Variants in ANK1 observed in about 807,000 individuals in gnomAD.
ANK1 encodes the protein ankyrin 1.
Under a neutral mutation model 210.4 loss-of-function variants are expected in ANK1, and 51 were observed. The observed-to-expected ratio is 0.24, with a 90% CI of 0.19 to 0.31. ANK1 has a LOEUF of 0.31. ANK1 is among the 10% of genes least tolerant of loss of function. The pLI, the probability that ANK1 is intolerant of heterozygous loss-of-function variation, is 1.00. For synonymous variants in ANK1, 967 were observed against 1,025.9 expected (o/e 0.94, Z 1.10); for missense variants, 2,051 against 2,504.4 (o/e 0.82, Z 3.86).
chr8:41,669,579 C>G (rs569345830), intron 38 of ANK1, among the ~76,000 whole-genome samples: 1 of 152,250 alleles, frequency 6.6e-6, no homozygotes, highest in African/African-American at 2.4e-5. Context: ...CTAGCCTGTC[C>G]CACCCCATCC....
chr8:41,680,802 G>C (rs963187825), intron 37 of ANK1, among the ~76,000 whole-genome samples: 2 of 152,188 alleles, frequency 1.3e-5, no homozygotes, highest in African/African-American at 2.4e-5. Context: ...AAGCACAAGT[G>C]CATCCTCATG....
At chr8:41,808,880 C>A (rs1027835178) in intron 1 of ANK1, among the ~76,000 whole-genome samples, 1 of 152,198 alleles carries the variant, frequency 6.6e-6, no homozygotes, top group African/African-American at 2.4e-5. Flanking sequence ...ATGAACATTT[C>A]TGAGGCCTTA....
intron 2 of ANK1, among the ~76,000 whole-genome samples, chr8:41,749,157 C>A (rs1837009283): frequency 6.6e-6 from 1 of 152,162 alleles, no homozygotes; most frequent in Non-Finnish European, 1.5e-5. Context: ...CTTTTACCTG[C>A]CTCTGAGTTC....
At chr8:41,828,377 C>T (rs1805903698) in intron 1 of ANK1, 1 of 154,562 alleles carries the variant, frequency 6.5e-6, no homozygotes, top group Admixed American at 6.5e-5. Context: ...TCCATGAACT[C>T]TCATTTTCCA....
chr8:41,679,318 T>C lies in ANK1; in HGVS notation c.4537+5226A>G, dbSNP rs1815178737. Reference sequence around the variant, plus strand: ...TTACTTGGAAGTAGTTTGATCCTTTTGCATTTTGCTTTCAAATTTTATCAG... The same window carrying C: ...TTACTTGGAAGTAGTTTGATCCTTTCGCATTTTGCTTTCAAATTTTATCAG... On this transcript the variant is annotated intron_variant, in intron 37 of 42. Transcript: ENST00000289734. Among the ~76,000 whole-genome samples the C allele has an allele frequency of 3.3e-5, 5 of 152,334 alleles. No individual in the cohort carries two copies. In the South Asian group the frequency reaches 1.0e-3, roughly 32 times the overall value.
At chr8:41,722,728 T>C (rs1829575243) in intron 9 of ANK1, among the ~76,000 whole-genome samples, 2 of 152,244 alleles carry the variant, frequency 1.3e-5, no homozygotes. Context: ...AGAGCAGTAG[T>C]AGGCGAACTA....
At chr8:41,865,643 A>T (rs1400276751) in intron 1 of ANK1, among the ~76,000 whole-genome samples, 1 of 151,760 alleles carries the variant, frequency 6.6e-6, no homozygotes, top group African/African-American at 2.4e-5. Context: ...CTTTCCACAC[A>T]ATGCACATGC....
intron 1 of ANK1, among the ~76,000 whole-genome samples, chr8:41,839,026 G>A (rs912737522): frequency 7.3e-5 from 11 of 149,990 alleles, no homozygotes; most frequent in Non-Finnish European, 1.5e-4. Context: ...GCAGTGAGCC[G>A]AGATGGCACC....
intron 15 of ANK1, 87 bp from the exon 16 acceptor site, chr8:41,714,341 T>C: frequency 9.8e-7 from 1 of 1,022,146 alleles, no homozygotes; most frequent in African/African-American, 1.6e-5. Flanking sequence ...GCACCTATTT[T>C]ATACAGTAAA....
rs775548041 is a variant in ANK1, at chr8:41,690,608, G to C, written c.3859-9C>G. The C allele has an allele frequency of 9.9e-6, 16 of 1,611,152 alleles. No homozygotes were observed. Among genetic ancestry groups the C allele is most frequent in the African/African-American group, 1.3e-5 (1 of 74,940 alleles). ...GACATTCCTTCCAACACCTGCAGGA[G>C]AGGAAAAGCAGATACAGCTTGTCAG... On this transcript the variant is annotated splice_polypyrimidine_tract_variant and intron_variant, in intron 31 of 42. Transcript: ENST00000289734.
Position 41,776,433 on chromosome 8 carries a change from G to A in ANK1, c.28-18296C>T, listed in dbSNP as rs906917432. Among the ~76,000 whole-genome samples the A allele has an allele frequency of 3.9e-5, 6 of 152,096 alleles. No homozygotes were observed. The East Asian group carries it at 9.7e-4, about 24-fold the overall frequency. On this transcript the variant is annotated intron_variant, in intron 1 of 42. Transcript: ENST00000289734. ...TCAATAATCCCAGTCCACTCCAATCGAGTTCTCTAGAATTACAACAGTAAC... is the reference window on the plus strand; with the variant it reads ...TCAATAATCCCAGTCCACTCCAATCAAGTTCTCTAGAATTACAACAGTAAC...
chr8:41,892,963 A>G (rs1819730566), intron 1 of ANK1, among the ~76,000 whole-genome samples: 1 of 77,542 alleles, frequency 1.3e-5, no homozygotes, highest in African/African-American at 7.7e-5. Context: ...AGTAAACACT[A>G]CCCTGGGGTC....
chr8:41,715,113 G>A, intron 14 of ANK1, 39 bp from the exon 15 acceptor site: 1 of 1,586,952 alleles, frequency 6.3e-7, no homozygotes, highest in Non-Finnish European at 8.7e-7. Flanking sequence ...GGGGCCCCAG[G>A]GCTGTCCTCC....
chr8:41,799,841 T>A (rs1207078766), upstream of ANK1, among the ~76,000 whole-genome samples: 1 of 152,136 alleles, frequency 6.6e-6, no homozygotes, highest in Non-Finnish European at 1.5e-5. Context: ...GGAGCTGGGC[T>A]GGTTTCGGGG....
In ANK1 at chr8:41,688,509, A is replaced by T. The variant is rs771747526; in HGVS notation, c.4183+2T>A. The T allele has an allele frequency of 1.2e-6, 2 of 1,613,816 alleles. No individual in the cohort carries two copies. The highest frequency in any genetic ancestry group is 2.7e-5 in the African/African-American group (2 of 74,922). The stretch of plus-strand genomic sequence containing the variant: ...GCATGCATCATCACACAGAGGCCGT[A>T]CCTGGTGTGGACTCACTGAGAATGC... On this transcript the variant is annotated splice_donor_variant, in intron 34 of 42. Coordinates refer to ENST00000289734, the MANE Select transcript of ANK1 (RefSeq NM_000037.4). LOFTEE classifies it high-confidence loss of function.
intron 2 of ANK1, among the ~76,000 whole-genome samples, chr8:41,753,021 C>T (rs994495865): frequency 3.3e-5 from 5 of 150,936 alleles, no homozygotes; most frequent in African/African-American, 1.2e-4. Context: ...AATGCTGAAA[C>T]GCTCCACTCC....
In ANK1 at chr8:41,704,358, T is replaced by TG. The variant is rs755487083; in HGVS notation, c.2196+15dup. 1.9e-6 allele frequency: 3 copies of TG among 1,611,394 alleles called. No individual in the cohort carries two copies. In the African/African-American group the frequency reaches 4.0e-5, roughly 22 times the overall value. ...GAAGGGTCAGTGCAGGAGTCGGGGC[T>TG]GGGGCACCCCTGTACCTTGGTCTTG... On this transcript the variant is annotated intron_variant, in intron 19 of 42. Coordinates refer to ENST00000289734, the MANE Select transcript of ANK1 (RefSeq NM_000037.4). This position sits in a 1 kb window ranked among gnomAD's most constrained non-coding sequence, Gnocchi z 4.1.
chr8:41,865,015 A>G (rs1177296350), intron 1 of ANK1, among the ~76,000 whole-genome samples: 2 of 152,186 alleles, frequency 1.3e-5, no homozygotes, highest in Admixed American at 1.3e-4. Flanking sequence ...AGAAGCCTTG[A>G]GGCTCCAGAA....
upstream of ANK1, among the ~76,000 whole-genome samples, chr8:41,802,109 C>T (rs1482276463): frequency 6.6e-6 from 1 of 152,198 alleles, no homozygotes; most frequent in Non-Finnish European, 1.5e-5. Context: ...CCTGCCTCGG[C>T]CTCCCGAATA....
Sources: gnomAD v4.1 joint callset for allele counts (sites outside exome capture counted in the v4.1 genomes callset) on GRCh38, gnomAD v4.1.1 for gene constraint, Gnocchi (gnomAD v3.1) non-coding constraint, MANE v1.5 for transcripts, NCBI Gene and HGNC (gene_info 2026-07-23, HGNC 2026-07-21) for gene names.